CTDSPL: variants seen among roughly 807,000 people sequenced by gnomAD.
CTDSPL encodes the protein CTD small phosphatase-like protein.
A neutral mutation model predicts 30.5 loss-of-function variants in CTDSPL; 8 were observed. The observed-to-expected ratio is 0.26, with a 90% confidence interval of 0.15 to 0.47. The LOEUF is 0.47. Among genes scored for constraint, CTDSPL ranks in the 20% least tolerant of loss-of-function variants. The probability of loss-of-function intolerance (pLI) is 0.99; values close to 1 mark genes in which losing one functional copy is unlikely to be tolerated. For synonymous variants in CTDSPL, 110 were observed against 137.9 expected (o/e 0.80, Z 1.42); for missense variants, 248 against 366.1 (o/e 0.68, Z 2.63).
In CTDSPL at chr3:37,949,638, C is replaced by G. The variant is rs573381988; in HGVS notation, c.234+2427C>G. On this transcript the variant is annotated intron_variant, in intron 2 of 7. Coordinates refer to ENST00000273179, the MANE Select transcript of CTDSPL (RefSeq NM_001008392.2). ...ATTGCTCACACTGGTGGAATTATAGCTAGGATTTTCTCCTTCCCTCTGTAC... is the reference window on the plus strand; with the variant it reads ...ATTGCTCACACTGGTGGAATTATAGGTAGGATTTTCTCCTTCCCTCTGTAC... Among the ~76,000 whole-genome samples, 10 of 152,322 alleles carry G rather than the reference C, an allele frequency of 6.6e-5. 1 individual carries two copies. The South Asian group carries it at 2.1e-3, about 32-fold the overall frequency.
At chr3:37,900,329 A>G (rs959794890) in intron 1 of CTDSPL, among the ~76,000 whole-genome samples, 4 of 152,220 alleles carry the variant, frequency 2.6e-5, no homozygotes, top group Admixed American at 6.5e-5. Context: ...ACATGTATAC[A>G]ACCCCTGAAC....
intron 1 of CTDSPL, among the ~76,000 whole-genome samples, chr3:37,917,652 A>G (rs952299381): frequency 2.0e-5 from 3 of 152,198 alleles, no homozygotes; most frequent in Non-Finnish European, 4.4e-5. Flanking sequence ...TCAGTCATCA[A>G]ATTTTTATTT....
chr3:37,923,078 A>G (rs1421824760), intron 1 of CTDSPL, among the ~76,000 whole-genome samples: 1 of 152,228 alleles, frequency 6.6e-6, no homozygotes, highest in African/African-American at 2.4e-5. Flanking sequence ...GCCTAACCAC[A>G]TCTGCATTTC....
intron 7 of CTDSPL, among the ~76,000 whole-genome samples, chr3:37,980,353 TG>T (rs1329936444): frequency 1.3e-5 from 2 of 152,248 alleles, no homozygotes; most frequent in Non-Finnish European, 2.9e-5. Context: ...TGTCAGTGGT[TG>T]GCTTGTAAGC....
rs183396595 is a variant in CTDSPL at position 37,972,085 on chromosome 3, T to C, written c.519+586T>C. Among the ~76,000 whole-genome samples the C allele has an allele frequency of 2.0e-3, 304 of 152,362 alleles. 7 individuals are homozygous for C. The highest frequency in any genetic ancestry group is 0.019 in the Admixed American group (284 of 15,308). On this transcript the variant is annotated intron_variant, in intron 6 of 7. Transcript: ENST00000273179. ...AACATATGTAAAGGACTTAGCACAG[T>C]GTCTGGCTCACATACAGCAAGTATT...
At chr3:37,895,402 TG>T (rs1440677573) in intron 1 of CTDSPL, among the ~76,000 whole-genome samples, 1 of 152,174 alleles carries the variant, frequency 6.6e-6, no homozygotes, top group East Asian at 1.9e-4. Context: ...ACATAGAATT[TG>T]GGGCTCTCCC....
chr3:37,948,105 G>A (rs975186321), intron 2 of CTDSPL, among the ~76,000 whole-genome samples: 3 of 152,102 alleles, frequency 2.0e-5, no homozygotes, highest in Non-Finnish European at 2.9e-5. Context: ...CCAACATGGC[G>A]AAACCCCTTC....
chr3:37,947,095 C>G lies in CTDSPL; in HGVS notation c.118C>G (p.Arg40Gly). Reference protein sequence around the residue: ...CNVSLKKQRSRSILSSFFCCF... With the variant: ...CNVSLKKQRSGSILSSFFCCF... The stretch of plus-strand genomic sequence containing the variant: ...CGTCAGCTTAAAGAAGCAGAGGAGC[C>G]GCAGCATCCTTAGCTCCTTCTTCTG... Residue 40 changes from arginine to glycine, a missense_variant, in exon 2 of 8, where the codon CGC (arginine) becomes GGC (glycine). By Grantham distance (125) the Arg-to-Gly change is moderately radical. This residue lies in a region of CTDSPL where 118 missense variants were observed against 124.7 expected (regional missense o/e 0.95). Transcript: ENST00000273179. 6.2e-7 allele frequency: 1 copy of G among 1,613,876 alleles called. No individual in the cohort carries two copies. Among genetic ancestry groups the G allele is most frequent in the Non-Finnish European group, 8.5e-7 (1 of 1,179,978 alleles).
chr3:37,910,831 G>A (rs533406874), intron 1 of CTDSPL, among the ~76,000 whole-genome samples: 10 of 152,314 alleles, frequency 6.6e-5, no homozygotes, highest in Non-Finnish European at 1.0e-4. Flanking sequence ...GTGCCATGGG[G>A]TGATGGAGAG....
chr3:37,968,262 C>T (rs1347157858), intron 5 of CTDSPL: 17 of 458,210 alleles, frequency 3.7e-5, no homozygotes, highest in African/African-American at 1.0e-4. Flanking sequence ...GGTGGACTCT[C>T]GGGAAAAAGT....
chr3:37,964,698 A>G (rs1440840395), intron 4 of CTDSPL, 26 bp downstream of exon 4: 1 of 1,524,394 alleles, frequency 6.6e-7, no homozygotes, highest in Non-Finnish European at 9.1e-7. Context: ...AAAAAAATCC[A>G]TGATCTTTGT....
At position 37,972,411 on chromosome 3, in the gene CTDSPL, G is replaced by A. The variant is rs1157945482; in HGVS notation, c.519+912G>A. On this transcript the variant is annotated intron_variant, in intron 6 of 7. Transcript: ENST00000273179. ...GGAGGCTGAGGCACGAGAATTGCTT[G>A]AACCCAGAAGGCAGAGGTTGCAGTG... Among the ~76,000 whole-genome samples, 4 of 152,270 alleles carry A rather than the reference G, an allele frequency of 2.6e-5. No homozygotes were observed. In the Middle Eastern group the frequency reaches 0.01, roughly 388 times the overall value.
At chr3:37,940,641 C>A (rs113572849) in intron 1 of CTDSPL, among the ~76,000 whole-genome samples, 1 of 150,488 alleles carries the variant, frequency 6.6e-6, no homozygotes, top group Non-Finnish European at 1.5e-5. Flanking sequence ...TTGCATGAAT[C>A]CTTGCAGAGT....
At chr3:37,895,820 G>A (rs62239969) in intron 1 of CTDSPL, among the ~76,000 whole-genome samples, 39,151 of 151,962 alleles carry the variant, frequency 0.26, 5,991 homozygotes, top group African/African-American at 0.42. Flanking sequence ...TATTTGTCAA[G>A]ACTCAGTGAA....
intron 2 of CTDSPL, among the ~76,000 whole-genome samples, chr3:37,956,844 G>C (rs1444328851): frequency 6.6e-6 from 1 of 152,222 alleles, no homozygotes; most frequent in Non-Finnish European, 1.5e-5. Context: ...CTGGGAGTAA[G>C]GGAGGTGCTA....
At chr3:37,957,250 T>G in intron 3 of CTDSPL, 107 bp downstream of exon 3, 1 of 730,750 alleles carries the variant, frequency 1.4e-6, no homozygotes. Context: ...TATGGTGAGT[T>G]TATCATGTGG....
chr3:37,930,121 A>C (rs1575303844), intron 1 of CTDSPL, among the ~76,000 whole-genome samples: 1 of 134,640 alleles, frequency 7.4e-6, no homozygotes, highest in East Asian at 1.9e-4. Flanking sequence ...AAAAAGAAAA[A>C]AAAAAAAAGA....
chr3:37,891,644 A>G, intron 1 of CTDSPL, among the ~76,000 whole-genome samples: 1 of 152,254 alleles, frequency 6.6e-6, no homozygotes, highest in East Asian at 1.9e-4. Context: ...TTTTAAAAAG[A>G]ATATCTTTCA....
chr3:37,942,277 A>T (rs535768482), intron 1 of CTDSPL, among the ~76,000 whole-genome samples: 1 of 150,630 alleles, frequency 6.6e-6, no homozygotes, highest in South Asian at 2.1e-4. Flanking sequence ...CCAGCCTTTG[A>T]TCCAGCGTTC....
Sources: gnomAD v4.1 joint callset for allele counts (sites outside exome capture counted in the v4.1 genomes callset) on GRCh38, gnomAD v4.1.1 for gene constraint, gnomAD v4.1.1 regional missense constraint, MANE v1.5 for transcripts, NCBI Gene and HGNC (gene_info 2026-07-23, HGNC 2026-07-21) for gene names.